ESR2: variants seen among roughly 807,000 people sequenced by gnomAD.
ESR2 encodes estrogen receptor beta.
Under a neutral mutation model 49.6 loss-of-function variants are expected in ESR2, and 36 were observed. That is an observed-to-expected ratio of 0.73 (90% CI 0.56 to 0.96). The LOEUF (loss-of-function observed/expected upper bound fraction) is 0.96, where lower values mean the gene tolerates loss of function less well. Among genes scored for constraint, ESR2 ranks in the 40% least tolerant of loss-of-function variants. ESR2 has a pLI of 0.00. For missense variants in ESR2, 714 were observed against 693.0 expected (o/e 1.03, Z -0.34); for synonymous variants, 320 against 266.1 (o/e 1.20, Z -1.97).
chr14:64,252,515 G>C (rs2076010012), intron 6 of ESR2, among the ~76,000 whole-genome samples: 1 of 152,094 alleles, frequency 6.6e-6, no homozygotes, highest in Non-Finnish European at 1.5e-5. Flanking sequence ...CTGAGACTGG[G>C]TAATCTATGA....
At position 64,280,144 on chromosome 14, in the gene ESR2, C is replaced by G. The variant is rs775813046; in HGVS notation, c.372G>C (p.Leu124=). 18 of 1,613,628 alleles carry G rather than the reference C, an allele frequency of 1.1e-5. No homozygotes were observed. Among genetic ancestry groups the G allele is most frequent in the Non-Finnish European group, 1.5e-5 (18 of 1,179,742 alleles). The change falls in exon 3 of 9, where the codon CTG becomes CTC. Residue 124 remains leucine, a synonymous_variant. Transcript: ENST00000341099. ...EHTLPVNRET[L]KRKVSGNRCA... ...AACGGTTCCCACTAACCTTCCTTTT[C>G]AGTGTCTCTCTAGGGAGCAAAGAAA...
chr14:64,227,145 G>C (rs955514083), downstream of ESR2: 6 of 224,924 alleles, frequency 2.7e-5, no homozygotes, highest in Admixed American at 5.4e-5. Flanking sequence ...ACCTGCATCT[G>C]TTGGCAGGCA....
At chr14:64,234,742 A>C in intron 8 of ESR2, 1 of 953,486 alleles carries the variant, frequency 1.0e-6, no homozygotes, top group South Asian at 2.0e-5. Flanking sequence ...AAAACCCATG[A>C]GCCACCACTG....
chr14:64,338,313 C>T (rs907448257), upstream of ESR2: 4 of 155,312 alleles, frequency 2.6e-5, no homozygotes, highest in Non-Finnish European at 5.8e-5. Flanking sequence ...GCGCTTCACC[C>T]ACTGCTGAGC....
rs1255837348 is a variant in ESR2, at chr14:64,230,891, C to T, written c.*2246G>A. On this transcript the variant is annotated 3_prime_UTR_variant, in exon 9 of 9. Coordinates refer to ENST00000341099, the MANE Select transcript of ESR2 (RefSeq NM_001437.3). ...TATATATATATATATATATATATTT[C>T]GTGGCAATTTTTTTTTTTTTTTTTT... 4.1e-5 allele frequency: 5 copies of T among 122,834 alleles called. No individual in the cohort carries two copies. The highest frequency in any genetic ancestry group is 4.2e-3 in the Middle Eastern group (1 of 238). 7.6% of individuals were successfully genotyped at this position (122,834 alleles called of 1,614,324 possible).
intron 7 of ESR2, among the ~76,000 whole-genome samples, chr14:64,247,680 C>A (rs986875654): frequency 6.6e-6 from 1 of 152,134 alleles, no homozygotes; most frequent in African/African-American, 2.4e-5. Flanking sequence ...AAAGGCTCGA[C>A]AAGAGTAAAT....
At chr14:64,248,873 G>A (rs1408726872) in intron 7 of ESR2, among the ~76,000 whole-genome samples, 3 of 151,588 alleles carry the variant, frequency 2.0e-5, no homozygotes, top group African/African-American at 4.8e-5. Context: ...TTTCTATATC[G>A]CATATCTGTG....
intron 3 of ESR2, among the ~76,000 whole-genome samples, chr14:64,272,602 T>C (rs1343333772): frequency 1.3e-5 from 2 of 152,216 alleles, no homozygotes; most frequent in East Asian, 3.8e-4. Context: ...TCTAGTTTTA[T>C]TCTTCTGTAC....
In ESR2 at chr14:64,315,659, A is replaced by AT. The variant is rs1033415277; in HGVS notation, c.-91+22238dup. On this transcript the variant is annotated intron_variant, in intron 1 of 8. Coordinates refer to the ESR2 transcript ENST00000358599. ...CTGGCTAATTTTTTGTATTTTTTGT[A>AT]TTTTTTTTTTTTTTGAGATGGAGTC... 7.1e-3 allele frequency among the ~76,000 whole-genome samples: 551 copies of AT among 77,272 alleles called. 1 individual carries two copies. Among genetic ancestry groups the AT allele is most frequent in the African/African-American group, 0.013 (273 of 21,324 alleles). The allele number at this position is 77,272 out of a possible 152,430, so 50.7% of individuals were successfully genotyped here.
chr14:64,300,361 C>T (rs2077008496), intron 1 of ESR2, among the ~76,000 whole-genome samples: 1 of 152,174 alleles, frequency 6.6e-6, no homozygotes, highest in Admixed American at 6.5e-5. Context: ...CAACCGGACC[C>T]CATCCCTTCC....
chr14:64,277,676 T>C (rs1395971985), intron 3 of ESR2, among the ~76,000 whole-genome samples: 1 of 150,240 alleles, frequency 6.7e-6, no homozygotes, highest in African/African-American at 2.4e-5. Context: ...TTCTCAATAC[T>C]GTACCATCCT....
At chr14:64,273,671 C>A (rs1030121792) in intron 3 of ESR2, among the ~76,000 whole-genome samples, 3 of 152,102 alleles carry the variant, frequency 2.0e-5, no homozygotes, top group Admixed American at 6.5e-5. Context: ...GATGAATAAT[C>A]TTTTTAACGT....
intron 4 of ESR2, among the ~76,000 whole-genome samples, chr14:64,261,232 C>CTT (rs374264697): frequency 0.12 from 10,457 of 87,474 alleles, 1,557 homozygotes; most frequent in African/African-American, 0.18. Flanking sequence ...TTTTATTTTT[C>CTT]TTTTTTCTTT....
Position 64,318,537 on chromosome 14 carries a change from CAAAAAAAAAAAAA to C in ESR2, c.-91+19348_-91+19360del, listed in dbSNP as rs58597271. ...GGGCGACAAGAACGAAACTCCATCTCAAAAAAAAAAAAAAAAAAAAAAAAAAAAAAATTTAAAT... is the reference window on the plus strand; with the variant it reads ...GGGCGACAAGAACGAAACTCCATCTCAAAAAAAAAAAAAAAAAATTTAAAT... On this transcript the variant is annotated intron_variant, in intron 1 of 8. Transcript: ENST00000358599. Among the ~76,000 whole-genome samples the C allele has an allele frequency of 2.3e-3, 74 of 32,438 alleles. 1 individual carries two copies. In the South Asian group the frequency reaches 0.067, roughly 29 times the overall value. 21.3% of individuals were successfully genotyped at this position (32,438 alleles called of 152,430 possible).
At chr14:64,284,873 G>A (rs1237763215) in intron 1 of ESR2, among the ~76,000 whole-genome samples, 10 of 144,170 alleles carry the variant, frequency 6.9e-5, no homozygotes, top group East Asian at 2.0e-4. Flanking sequence ...TTTTTGAGAC[G>A]GAGTCTCGCA....
chr14:64,329,109 G>A (rs1176699736), intron 1 of ESR2, among the ~76,000 whole-genome samples: 2 of 152,116 alleles, frequency 1.3e-5, no homozygotes, highest in African/African-American at 4.8e-5. Flanking sequence ...TAAAGGTACT[G>A]GAGAGTGAAC....
chr14:64,234,879 C>T (rs2098730936), intron 8 of ESR2, 91 bp downstream of exon 8: 1 of 1,549,060 alleles, frequency 6.5e-7, no homozygotes, highest in Non-Finnish European at 8.7e-7. Flanking sequence ...TTTTCCTTAA[C>T]TTGCAGACAC....
chr14:64,260,449 CG>C lies in ESR2; in HGVS notation c.951del (p.Gly318AlafsTer22), dbSNP rs774779393. On this transcript the variant is annotated frameshift_variant and splice_region_variant, in exon 5 of 9. Transcript: ENST00000341099. LOFTEE classifies it high-confidence loss of function. ...AAAACTGATAGCCAGAAAGCCCTACCGGGAATCTTCTTGGCCCAGCTGATCA... is the reference window on the plus strand; with the variant it reads ...AAAACTGATAGCCAGAAAGCCCTACCGGAATCTTCTTGGCCCAGCTGATCA... ...VHMISWAKKI[P>X]GFVELSLFDQ... The C allele has an allele frequency of 6.6e-7, 1 of 1,522,628 alleles. No homozygotes were observed. The highest frequency in any genetic ancestry group is 8.8e-7 in the Non-Finnish European group (1 of 1,136,606). 94.3% of individuals were successfully genotyped at this position (1,522,628 alleles called of 1,614,324 possible).
chr14:64,321,337 T>C (rs1248255422), intron 1 of ESR2, among the ~76,000 whole-genome samples: 2 of 151,140 alleles, frequency 1.3e-5, no homozygotes, highest in Admixed American at 6.6e-5. Context: ...CTTTTTTGGG[T>C]GATGGAAATG....
Sources: allele counts gnomAD v4.1 joint callset (sites outside exome capture counted in the v4.1 genomes callset), GRCh38; gene constraint gnomAD v4.1.1; transcripts MANE v1.5; gene names NCBI Gene and HGNC (gene_info 2026-07-23, HGNC 2026-07-21).